The following UNC13B variants were observed in gnomAD, a reference collection of about 807,000 sequenced individuals.
UNC13B encodes unc-13 homolog B, also known as protein unc-13 homolog B.
Under a neutral mutation model 211.0 loss-of-function variants are expected in UNC13B, and 144 were observed. That is an observed-to-expected ratio of 0.68 (90% CI 0.60 to 0.78). The LOEUF (loss-of-function observed/expected upper bound fraction) is 0.78, where lower values mean the gene tolerates loss of function less well. UNC13B is among the 30% of genes least tolerant of loss of function. The pLI is 0.00. For synonymous variants in UNC13B, 709 were observed against 725.8 expected (o/e 0.98, Z 0.37); for missense variants, 1,777 against 2,002.0 (o/e 0.89, Z 2.14).
At chr9:35,394,043 A>T (rs548519263) in intron 26 of UNC13B, among the ~76,000 whole-genome samples, 1 of 152,158 alleles carries the variant, frequency 6.6e-6, no homozygotes, top group East Asian at 1.9e-4. Flanking sequence ...CAGGTTACAG[A>T]TGGGGGTAAT....
chr9:35,367,998 A>G (rs1476810338), intron 12 of UNC13B, among the ~76,000 whole-genome samples: 1 of 152,228 alleles, frequency 6.6e-6, no homozygotes, highest in Non-Finnish European at 1.5e-5. Flanking sequence ...AAGAAAGATC[A>G]GGTAGATGAT....
At chr9:35,231,856 A>AT (rs1312769590) in intron 3 of UNC13B, among the ~76,000 whole-genome samples, 1 of 151,964 alleles carries the variant, frequency 6.6e-6, no homozygotes, top group Admixed American at 6.6e-5. Context: ...TAGTTTCAGG[A>AT]TTTTTTTGTT....
intron 7 of UNC13B, among the ~76,000 whole-genome samples, chr9:35,286,691 C>A (rs1554697034): frequency 6.6e-6 from 1 of 151,862 alleles, no homozygotes; most frequent in Non-Finnish European, 1.5e-5. Context: ...CCTGTTTCTA[C>A]AAAAAAATAA....
intron 1 of UNC13B, among the ~76,000 whole-genome samples, chr9:35,221,375 G>A (rs574630100): frequency 5.1e-4 from 78 of 152,244 alleles, no homozygotes; most frequent in East Asian, 1.9e-4. Context: ...CGGCCTGTCC[G>A]TCTTGTTTTG....
At chr9:35,264,663 G>T (rs1252087864) in intron 7 of UNC13B, among the ~76,000 whole-genome samples, 1 of 152,188 alleles carries the variant, frequency 6.6e-6, no homozygotes, top group East Asian at 1.9e-4. Flanking sequence ...CATCAGGGCT[G>T]CCCCCCTCAC....
At chr9:35,371,255 A>T (rs1468280487) in intron 13 of UNC13B, among the ~76,000 whole-genome samples, 1 of 151,896 alleles carries the variant, frequency 6.6e-6, no homozygotes, top group Non-Finnish European at 1.5e-5. Flanking sequence ...ACCGAATGAA[A>T]GTATCATCTG....
chr9:35,180,083 A>G (rs1821851499), intron 1 of UNC13B, among the ~76,000 whole-genome samples: 1 of 152,208 alleles, frequency 6.6e-6, no homozygotes, highest in Non-Finnish European at 1.5e-5. Context: ...ATTTATTTAG[A>G]AAACATTTAG....
chr9:35,386,058 C>T, intron 23 of UNC13B, 107 bp from the exon 24 acceptor site: 3 of 1,537,282 alleles, frequency 2.0e-6, no homozygotes. Context: ...AGTCTAGGGA[C>T]CCAGACAGGG....
chr9:35,307,133 G>C lies in UNC13B; in HGVS notation c.7729G>C (p.Glu2577Gln), dbSNP rs536907328. Residue 2577 changes from glutamate to glutamine, a missense_variant, in exon 9 of 40, where the codon GAA becomes CAA. Transcript: ENST00000635942. ...AATGACTGTGGTTAGTGCAAAGCCA[G>C]AATCAGATATCTTGACAGATGATCC... ...CRMTVVSAKP[E>Q]SDILTDDPKL... 40 of 398,900 alleles carry C rather than the reference G, an allele frequency of 1.0e-4. No homozygotes were observed. The highest frequency in any genetic ancestry group is 1.2e-3 in the Middle Eastern group (2 of 1,610). The allele number at this position is 398,900 out of a possible 1,614,324, so 24.7% of individuals were successfully genotyped here.
At chr9:35,349,477 A>G (rs7470099) in intron 11 of UNC13B, among the ~76,000 whole-genome samples, 3,533 of 152,292 alleles carry the variant, frequency 0.023, 127 homozygotes, top group African/African-American at 0.08. Flanking sequence ...CACCAAGCCC[A>G]AGACCCAGAA....
intron 1 of UNC13B, among the ~76,000 whole-genome samples, chr9:35,168,153 AGT>A (rs1403612979): frequency 3.3e-5 from 5 of 152,010 alleles, no homozygotes; most frequent in African/African-American, 9.7e-5. Flanking sequence ...TCTGGACTCA[AGT>A]GATCTGCCCA....
chr9:35,300,410 A>T lies in UNC13B; in HGVS notation c.1006A>T (p.Lys336Ter). The T allele has an allele frequency of 2.5e-6, 1 of 398,994 alleles. No individual in the cohort carries two copies. The highest frequency in any genetic ancestry group is 4.4e-6 in the Non-Finnish European group (1 of 226,026). 24.7% of individuals were successfully genotyped at this position (398,994 alleles called of 1,614,324 possible). Residue 336 changes from lysine (K) to a stop codon, truncating the protein, a stop_gained, in exon 9 of 40, where the codon AAG becomes TAG. Transcript: ENST00000635942. LOFTEE classifies it high-confidence loss of function. ...GGTTAAGAGTGGCATGCAGCGCATTAAGTTGGAAAGTCATGATTATGATCT... is the reference window on the plus strand; with the variant it reads ...GGTTAAGAGTGGCATGCAGCGCATTTAGTTGGAAAGTCATGATTATGATCT... ...FVVKSGMQRI[K>*]LESHDYDLSS...
intron 6 of UNC13B, among the ~76,000 whole-genome samples, chr9:35,248,147 T>C (rs1826216474): frequency 1.3e-5 from 2 of 152,210 alleles, no homozygotes; most frequent in Non-Finnish European, 2.9e-5. Context: ...TGCGTAGAGG[T>C]GTTTATAGTA....
chr9:35,224,983 C>A (rs967481505), intron 1 of UNC13B, among the ~76,000 whole-genome samples: 1 of 150,916 alleles, frequency 6.6e-6, no homozygotes, highest in Non-Finnish European at 1.5e-5. Context: ...ATTCAACATC[C>A]CTTCATCATA....
At chr9:35,401,999 C>T (rs558694552) in intron 37 of UNC13B, 33 of 1,550,586 alleles carry the variant, frequency 2.1e-5, no homozygotes, top group Admixed American at 3.9e-5. Context: ...GACATTCGTC[C>T]GGAAAAGGGT....
intron 26 of UNC13B, among the ~76,000 whole-genome samples, chr9:35,394,251 T>C (rs1040034618): frequency 6.6e-6 from 1 of 152,168 alleles, no homozygotes; most frequent in African/African-American, 2.4e-5. Context: ...GATTTTAAGA[T>C]AGTGAGAGAC....
chr9:35,346,860 C>G (rs968525460), intron 11 of UNC13B, among the ~76,000 whole-genome samples: 1 of 152,040 alleles, frequency 6.6e-6, no homozygotes, highest in Non-Finnish European at 1.5e-5. Context: ...TTGTATGCCT[C>G]GTTTTGCTGG....
intron 30 of UNC13B, 117 bp downstream of exon 30, chr9:35,397,829 C>T: frequency 9.2e-7 from 1 of 1,082,686 alleles, no homozygotes; most frequent in Non-Finnish European, 1.3e-6. Flanking sequence ...CTGATTCCCA[C>T]CATGGCTTTG....
rs995479198 is a variant in UNC13B at position 35,186,426 on chromosome 9, C to T, written c.22+24121C>T. ...TTATGACCTGGAAGGTCCTCCCACC[C>T]GCTGTCCCACTTTGAGATGTTGAAG... On this transcript the variant is annotated intron_variant, in intron 1 of 39. Transcript: ENST00000635942. 1.2e-4 allele frequency among the ~76,000 whole-genome samples: 18 copies of T among 152,302 alleles called. No individual in the cohort carries two copies. In the East Asian group the frequency reaches 2.5e-3, roughly 21 times the overall value.
Sources: gnomAD v4.1 joint callset for allele counts (sites outside exome capture counted in the v4.1 genomes callset) on GRCh38, gnomAD v4.1.1 for gene constraint, MANE v1.5 for transcripts, NCBI Gene and HGNC (gene_info 2026-07-23, HGNC 2026-07-21) for gene names.